Variants in SETD7 observed in about 807,000 individuals in gnomAD.
SETD7 encodes the protein SET domain containing 7, histone lysine methyltransferase.
A neutral mutation model predicts 41.8 loss-of-function variants in SETD7; 16 were observed. That is an observed-to-expected ratio of 0.38 (90% CI 0.26 to 0.58). The LOEUF (loss-of-function observed/expected upper bound fraction) is 0.58. SETD7 is among the 20% of genes least tolerant of loss of function. SETD7 has a pLI of 0.64. For missense variants in SETD7, 346 were observed against 459.7 expected, an observed-to-expected ratio of 0.75 and a Z score of 2.26; for synonymous variants, 163 against 169.7, an observed-to-expected ratio of 0.96 and a Z score of 0.31.
At chr4:139,547,734 C>T (rs1190307541) in intron 1 of SETD7, among the ~76,000 whole-genome samples, 1 of 152,182 alleles carries the variant, frequency 6.6e-6, no homozygotes, top group Non-Finnish European at 1.5e-5. Context: ...TAACCTTAAA[C>T]CTACTGGTTT....
chr4:139,504,637 T>G (rs555370595), downstream of SETD7, among the ~76,000 whole-genome samples: 1 of 152,370 alleles, frequency 6.6e-6, no homozygotes, highest in African/African-American at 2.4e-5. Context: ...AGATGACTGC[T>G]GAAACAATTT....
chr4:139,519,517 T>C (rs112453828), intron 6 of SETD7, among the ~76,000 whole-genome samples: 6 of 152,392 alleles, frequency 3.9e-5, no homozygotes, highest in African/African-American at 1.4e-4. Context: ...TAGTGCAGTT[T>C]GAATACGTCG....
chr4:139,526,295 A>C (rs1486526881), intron 4 of SETD7, among the ~76,000 whole-genome samples: 3 of 150,500 alleles, frequency 2.0e-5, no homozygotes, highest in Admixed American at 6.6e-5. Flanking sequence ...TTTTTTAAAG[A>C]CAGGGTCTCA....
chr4:139,511,547 GGT>G lies in SETD7; in HGVS notation c.*114_*115del. 1 of 1,566,240 alleles carries G rather than the reference GGT, an allele frequency of 6.4e-7. No homozygotes were observed. The highest frequency in any genetic ancestry group is 2.2e-5 in the East Asian group (1 of 44,648). Reference sequence around the variant, plus strand: ...TGCGAGAAAGTCGTTGCTAACGCATGGTGAGAGGATGTGACGTCACAGCATGA... The same window carrying G: ...TGCGAGAAAGTCGTTGCTAACGCATGGAGAGGATGTGACGTCACAGCATGA... On this transcript the variant is annotated 3_prime_UTR_variant, in exon 8 of 8. Coordinates refer to ENST00000274031, the MANE Select transcript of SETD7 (RefSeq NM_030648.4).
intron 3 of SETD7, among the ~76,000 whole-genome samples, chr4:139,530,630 A>C (rs911838196): frequency 6.6e-6 from 1 of 152,170 alleles, no homozygotes; most frequent in African/African-American, 2.4e-5. Context: ...ATAATCCATG[A>C]CTAACATAAG....
At chr4:139,534,497 T>C (rs1477606051) in intron 2 of SETD7, among the ~76,000 whole-genome samples, 1 of 152,016 alleles carries the variant, frequency 6.6e-6, no homozygotes, top group Non-Finnish European at 1.5e-5. Context: ...CAAGCCATCC[T>C]CCCACCTCAG....
At chr4:139,541,867 C>T (rs1727788306) in intron 2 of SETD7, among the ~76,000 whole-genome samples, 2 of 152,288 alleles carry the variant, frequency 1.3e-5, no homozygotes, top group African/African-American at 2.4e-5. Flanking sequence ...AAACAATGTA[C>T]ATTTTTGCTA....
chr4:139,511,925 A>T, intron 7 of SETD7, 82 bp from the exon 8 acceptor site: 1 of 1,519,328 alleles, frequency 6.6e-7, no homozygotes, highest in East Asian at 2.3e-5. Context: ...TGATACAGGA[A>T]TCACCCCCAG....
chr4:139,529,328 G>T, intron 3 of SETD7, 108 bp from the exon 4 acceptor site: 1 of 809,210 alleles, frequency 1.2e-6, no homozygotes, highest in South Asian at 2.1e-5. Context: ...GCACCAGTAG[G>T]GATAATAACA....
Position 139,543,820 on chromosome 4 carries a change from C to T in SETD7, c.170+3100G>A, listed in dbSNP as rs936269807. Among the ~76,000 whole-genome samples the T allele has an allele frequency of 9.9e-4, 127 of 128,354 alleles. 1 individual carries two copies. Among genetic ancestry groups the T allele is most frequent in the African/African-American group, 3.5e-3 (121 of 34,324 alleles). 84.2% of individuals were successfully genotyped at this position (128,354 alleles called of 152,430 possible). On this transcript the variant is annotated intron_variant, in intron 2 of 7. Transcript: ENST00000274031. ...ATACAAAAAAAAAAAAAAAATTAGCCGGGCGTGGTGGTGGGCGCCTGTAGT... is the reference window on the plus strand; with the variant it reads ...ATACAAAAAAAAAAAAAAAATTAGCTGGGCGTGGTGGTGGGCGCCTGTAGT...
chr4:139,554,214 T>C lies in SETD7; in HGVS notation c.40+1884A>G, dbSNP rs77923908. On this transcript the variant is annotated intron_variant, in intron 1 of 7. Coordinates refer to ENST00000274031, the MANE Select transcript of SETD7 (RefSeq NM_030648.4). ...TGGACAATAATGTACATAATTACCC[T>C]ATAAAACAAAACCATCCCTGTTTAT... Among the ~76,000 whole-genome samples, 1,052 of 152,340 alleles carry C rather than the reference T, an allele frequency of 6.9e-3. 10 individuals carry two copies. Among genetic ancestry groups the C allele is most frequent in the South Asian group, 0.017 (84 of 4,832 alleles).
chr4:139,529,514 A>G (rs772898010), intron 3 of SETD7, among the ~76,000 whole-genome samples: 11 of 152,300 alleles, frequency 7.2e-5, no homozygotes, highest in East Asian at 1.9e-4. Context: ...CTGATACTCT[A>G]TGTTGGTTTA....
downstream of SETD7, among the ~76,000 whole-genome samples, chr4:139,505,042 G>A (rs1726667526): frequency 6.6e-6 from 1 of 152,154 alleles, no homozygotes; most frequent in Non-Finnish European, 1.5e-5. Context: ...ACATCAGTTT[G>A]GACCCAGTCA....
At chr4:139,516,486 A>C (rs1049437128) in intron 7 of SETD7, among the ~76,000 whole-genome samples, 53 of 136,072 alleles carry the variant, frequency 3.9e-4, no homozygotes, top group Non-Finnish European at 7.7e-4. Flanking sequence ...AAAAAAAAAA[A>C]ACAATGAAAA....
At position 139,546,988 on chromosome 4, in the gene SETD7, G is replaced by A. The variant is rs1727972107; in HGVS notation, c.102C>T (p.Asp34=). 2 of 1,614,184 alleles carry A rather than the reference G, an allele frequency of 1.2e-6. No individual in the cohort carries two copies. Among genetic ancestry groups the A allele is most frequent in the Non-Finnish European group, 1.7e-6 (2 of 1,180,040 alleles). Residue 34 remains aspartate, a synonymous_variant, in exon 2 of 8, where the codon GAC becomes GAT. Transcript: ENST00000274031. ...GFCTVTYSST[D]RFEGNFVHGE... ...CGTGAACAAAGTTCCCCTCAAATCTGTCTGTGGAGGAGTAGGTGACTGTGC... is the reference window on the plus strand; with the variant it reads ...CGTGAACAAAGTTCCCCTCAAATCTATCTGTGGAGGAGTAGGTGACTGTGC...
At chr4:139,517,587 G>T (rs186013309) in intron 7 of SETD7, among the ~76,000 whole-genome samples, 2 of 151,416 alleles carry the variant, frequency 1.3e-5, no homozygotes, top group Non-Finnish European at 2.9e-5. Context: ...TGTCCAAAAC[G>T]AGAAAACTGA....
intron 7 of SETD7, among the ~76,000 whole-genome samples, chr4:139,513,149 G>A (rs1054121117): frequency 1.1e-4 from 16 of 151,680 alleles, no homozygotes; most frequent in Non-Finnish European, 5.9e-5. Context: ...GCTGGACATG[G>A]TGGCTCACCT....
At chr4:139,541,832 G>A (rs772725874) in intron 2 of SETD7, among the ~76,000 whole-genome samples, 5 of 152,132 alleles carry the variant, frequency 3.3e-5, no homozygotes, top group Non-Finnish European at 5.9e-5. Context: ...CAAACATTTT[G>A]AATCTGAGAC....
At position 139,510,172 on chromosome 4, in the gene SETD7, C is replaced by T. The variant is rs1044530806; in HGVS notation, c.*1491G>A. ...ATCAGCTGGAGCTCACTATCTGCTA[C>T]AGCTTGGAAGGCCTTCGCTTTCCAG... On this transcript the variant is annotated 3_prime_UTR_variant, in exon 8 of 8. Coordinates refer to ENST00000274031, the MANE Select transcript of SETD7 (RefSeq NM_030648.4). 6.6e-6 allele frequency: 1 copy of T among 152,326 alleles called. No homozygotes were observed. Among genetic ancestry groups the T allele is most frequent in the African/African-American group, 2.4e-5 (1 of 41,466 alleles). The allele number at this position is 152,326 out of a possible 1,614,324, so 9.4% of individuals were successfully genotyped here.
Sources: allele counts gnomAD v4.1 joint callset (sites outside exome capture counted in the v4.1 genomes callset), GRCh38; gene constraint gnomAD v4.1.1; transcripts MANE v1.5; gene names NCBI Gene and HGNC (gene_info 2026-07-23, HGNC 2026-07-21).